The following EIF3E variants were observed in gnomAD, a reference collection of about 807,000 sequenced individuals.
EIF3E encodes the protein eIF-3 p48.
In EIF3E, 25 loss-of-function variants were observed where a neutral mutation model predicts 59.3. The ratio of observed to expected loss-of-function variants is 0.42; its 90% CI spans 0.31 to 0.59. EIF3E has a LOEUF of 0.59. EIF3E is among the 20% of genes least tolerant of loss of function. The pLI, the probability that EIF3E is intolerant of heterozygous loss-of-function variation, is 0.15. For missense variants in EIF3E, 317 were observed against 534.3 expected (o/e 0.59, Z 4.01); for synonymous variants, 176 against 170.2 (o/e 1.03, Z -0.26).
At chr8:108,233,836 CAAAAAA>C (rs35065360) in intron 5 of EIF3E, among the ~76,000 whole-genome samples, 1,760 of 74,118 alleles carry the variant, frequency 0.024, 41 homozygotes, top group African/African-American at 0.081. Context: ...GACCCTGTCT[CAAAAAA>C]AAAAAAAAAA....
intron 1 of EIF3E, chr8:108,242,119 T>C (rs1815849770): frequency 2.1e-6 from 3 of 1,442,562 alleles, no homozygotes; most frequent in Non-Finnish European, 2.8e-6. Context: ...TACCTAAAAA[T>C]TTTAAAATGA....
At chr8:108,229,834 G>A (rs1345565674) in intron 5 of EIF3E, among the ~76,000 whole-genome samples, 1 of 152,084 alleles carries the variant, frequency 6.6e-6, no homozygotes, top group Non-Finnish European at 1.5e-5. Context: ...CATATAGAGT[G>A]TAACTTGCCC....
intron 10 of EIF3E, among the ~76,000 whole-genome samples, chr8:108,211,723 G>A (rs1815214133): frequency 6.6e-6 from 1 of 152,180 alleles, no homozygotes; most frequent in Non-Finnish European, 1.5e-5. Flanking sequence ...ACCTAATGCA[G>A]TGGTTTTGGA....
intron 5 of EIF3E, among the ~76,000 whole-genome samples, chr8:108,230,121 C>T (rs1202440658): frequency 6.6e-6 from 1 of 152,108 alleles, no homozygotes; most frequent in East Asian, 1.9e-4. Context: ...ATGTCTACAC[C>T]TCAAGATGAA....
chr8:108,239,177 G>C (rs548021370), intron 3 of EIF3E, among the ~76,000 whole-genome samples: 1 of 151,998 alleles, frequency 6.6e-6, no homozygotes, highest in African/African-American at 2.4e-5. Flanking sequence ...CAAGCACAGG[G>C]TTTCTTTTTT....
chr8:108,228,411 A>G lies in EIF3E; in HGVS notation c.598-20T>C, dbSNP rs1815558163. On this transcript the variant is annotated intron_variant, in intron 6 of 12. Coordinates refer to ENST00000220849, the MANE Select transcript of EIF3E (RefSeq NM_001568.3). The stretch of plus-strand genomic sequence containing the variant: ...CACAGACTAAAGGATTTAAAAATAT[A>G]TACATAAAAAATATTAATATATAAG... 5 of 1,457,246 alleles carry G rather than the reference A, an allele frequency of 3.4e-6. No individual in the cohort carries two copies. The highest frequency in any genetic ancestry group is 4.5e-6 in the Non-Finnish European group (5 of 1,103,646). 90.3% of individuals were successfully genotyped at this position (1,457,246 alleles called of 1,614,324 possible).
chr8:108,229,043 G>A (rs1395320377), intron 6 of EIF3E, 27 bp downstream of exon 6: 6 of 1,580,866 alleles, frequency 3.8e-6, no homozygotes, highest in African/African-American at 1.4e-5. Flanking sequence ...ATATTTCAGA[G>A]AATAACTGTG....
intron 3 of EIF3E, 52 bp downstream of exon 3, chr8:108,239,906 G>C (rs1027323795): frequency 7.4e-7 from 1 of 1,352,254 alleles, no homozygotes; most frequent in Admixed American, 1.7e-5. Flanking sequence ...ATTAACATTT[G>C]TATTAATCCA....
intron 1 of EIF3E, among the ~76,000 whole-genome samples, chr8:108,248,031 G>T (rs1270723458): frequency 1.4e-5 from 2 of 140,304 alleles, no homozygotes; most frequent in South Asian, 2.7e-4. Flanking sequence ...TTTCTGGGGG[G>T]GGGGGCGGGG....
At chr8:108,216,692 T>G (rs1815311638) in intron 8 of EIF3E, among the ~76,000 whole-genome samples, 179 bp from the exon 9 acceptor site, 1 of 152,146 alleles carries the variant, frequency 6.6e-6, no homozygotes, top group African/African-American at 2.4e-5. Flanking sequence ...TTAAGCTTAT[T>G]ATGTCTTTCA....
intron 5 of EIF3E, among the ~76,000 whole-genome samples, chr8:108,231,015 G>A (rs532298677): frequency 3.9e-5 from 6 of 152,214 alleles, no homozygotes; most frequent in Non-Finnish European, 7.4e-5. Flanking sequence ...CAGGACCATG[G>A]GTGGAGTATG....
intron 7 of EIF3E, among the ~76,000 whole-genome samples, chr8:108,218,782 C>CTTTTTTTTTTTTTTTTTTTTTTTT (rs35642365): frequency 9.0e-6 from 1 of 111,162 alleles, no homozygotes; most frequent in Non-Finnish European, 1.8e-5. Context: ...TATTTTATTT[C>CTTTTTTTTTTTTTTTTTTTTTTTT]TTTTTTTTTT....
chr8:108,246,049 G>A (rs60787607), intron 1 of EIF3E, among the ~76,000 whole-genome samples: 1,869 of 152,160 alleles, frequency 0.012, 38 homozygotes, highest in African/African-American at 0.042. Context: ...CTGGGAACAA[G>A]AGATGAACAA....
intron 10 of EIF3E, among the ~76,000 whole-genome samples, chr8:108,206,236 C>T (rs1013403034): frequency 1.3e-5 from 2 of 151,846 alleles, no homozygotes; most frequent in African/African-American, 4.8e-5. Flanking sequence ...TTGACTTAAA[C>T]ATCGCTTGAT....
At chr8:108,215,266 A>C (rs565609491) in intron 9 of EIF3E, among the ~76,000 whole-genome samples, 1 of 150,154 alleles carries the variant, frequency 6.7e-6, no homozygotes, top group South Asian at 2.1e-4. Flanking sequence ...ATATGACTAC[A>C]AAAAAAAACA....
chr8:108,242,316 T>C, intron 1 of EIF3E: 1 of 1,289,892 alleles, frequency 7.8e-7, no homozygotes, highest in Non-Finnish European at 1.0e-6. Flanking sequence ...TAAACTCCTA[T>C]ATGCTTCTCC....
Position 108,248,640 on chromosome 8 carries a change from C to G in EIF3E, c.63G>C (p.Pro21=), listed in dbSNP as rs757329691. The G allele has an allele frequency of 4.3e-6, 7 of 1,614,068 alleles. No individual in the cohort carries two copies. The highest frequency in any genetic ancestry group is 1.6e-4 in the Middle Eastern group (1 of 6,062). The part of the protein sequence containing the change: ...AHFLDRHLVF[P]LLEFLSVKEI... ...CCTTTACAGAGAGAAATTCAAGAAG[C>G]GGAAAGACTAGATGCCGATCCAAAA... Residue 21 remains proline (P), a synonymous_variant, in exon 1 of 13, where the codon CCG becomes CCC. Transcript: ENST00000220849.
chr8:108,228,449 G>A, intron 6 of EIF3E, 58 bp from the exon 7 acceptor site: 9 of 1,273,106 alleles, frequency 7.1e-6, no homozygotes, highest in South Asian at 2.3e-5. Context: ...AGAGGCAGGA[G>A]GACAAACATC....
At chr8:108,236,247 G>A (rs1289407401) in intron 3 of EIF3E, 44 bp from the exon 4 acceptor site, 10 of 1,523,300 alleles carry the variant, frequency 6.6e-6, no homozygotes, top group African/African-American at 1.4e-5. Context: ...AAAGGCCACA[G>A]AAAACAAAAT....
Sources: gnomAD v4.1 joint callset for allele counts (sites outside exome capture counted in the v4.1 genomes callset) on GRCh38, gnomAD v4.1.1 for gene constraint, MANE v1.5 for transcripts, NCBI Gene and HGNC (gene_info 2026-07-23, HGNC 2026-07-21) for gene names.